The following TENM3 variants were observed in gnomAD, a reference collection of about 807,000 sequenced individuals.
TENM3 encodes teneurin transmembrane protein 3, also known as teneurin-3.
In TENM3, 63 loss-of-function variants were observed where a neutral mutation model predicts 255.1. The observed-to-expected ratio is 0.25, with a 90% CI of 0.20 to 0.30. TENM3 has a LOEUF of 0.30. TENM3 is among the 10% of genes least tolerant of loss of function. The pLI is 1.00. For synonymous variants in TENM3, 1,306 were observed against 1,322.3 expected, an observed-to-expected ratio of 0.99 and a Z score of 0.27; for missense variants, 2,929 against 3,461.1, an observed-to-expected ratio of 0.85 and a Z score of 3.86.
At chr4:182,455,471 C>G (rs1449921892) in intron 3 of TENM3, among the ~76,000 whole-genome samples, 1 of 152,000 alleles carries the variant, frequency 6.6e-6, no homozygotes, top group Non-Finnish European at 1.5e-5. Flanking sequence ...CACCTTCGCA[C>G]CAGTATTTTC....
At chr4:181,635,581 C>T in the TENM3 span, among the ~76,000 whole-genome samples, 1 of 152,148 alleles carries the variant, frequency 6.6e-6, no homozygotes, top group Non-Finnish European at 1.5e-5. Flanking sequence ...TTCCATAAGA[C>T]AGTGGTTGTC....
intron 3 of TENM3, among the ~76,000 whole-genome samples, chr4:182,527,802 A>G (rs1739367813): frequency 6.6e-6 from 1 of 152,088 alleles, no homozygotes; most frequent in Non-Finnish European, 1.5e-5. Context: ...ATCTCGGCTC[A>G]CTGCAACCTC....
At chr4:181,785,409 C>G in the TENM3 span, among the ~76,000 whole-genome samples, 1 of 152,140 alleles carries the variant, frequency 6.6e-6, no homozygotes, top group Non-Finnish European at 1.5e-5. Context: ...GAGCTTGCCT[C>G]CCATTGGCTC....
chr4:181,964,235 C>T, the TENM3 span, among the ~76,000 whole-genome samples: 1 of 152,026 alleles, frequency 6.6e-6, no homozygotes, highest in African/African-American at 2.4e-5. Context: ...GCTCCAATTG[C>T]ACCTAGACAC....
At chr4:182,742,652 A>G (rs12650253) in intron 18 of TENM3, among the ~76,000 whole-genome samples, 54,470 of 152,084 alleles carry the variant, frequency 0.36, 10,743 homozygotes, top group East Asian at 0.68. Context: ...AATATTTTCA[A>G]TATTGATTAA....
chr4:182,427,170 AC>A (rs1771283838), intron 3 of TENM3, among the ~76,000 whole-genome samples: 1 of 152,122 alleles, frequency 6.6e-6, no homozygotes, highest in African/African-American at 2.4e-5. Flanking sequence ...TCAACTTTTT[AC>A]TTCTACTCAT....
chr4:182,255,828 ATGAG>A (rs1186617844), intron 1 of TENM3, among the ~76,000 whole-genome samples: 1 of 152,144 alleles, frequency 6.6e-6, no homozygotes, highest in African/African-American at 2.4e-5. Flanking sequence ...TTTTTCCTGA[ATGAG>A]AAGACTGAAG....
chr4:182,489,088 C>T (rs7681803), intron 3 of TENM3, among the ~76,000 whole-genome samples: 6,753 of 152,108 alleles, frequency 0.044, 218 homozygotes, highest in African/African-American at 0.09. Flanking sequence ...ACATAAGATA[C>T]TTGGCAGTCT....
chr4:182,629,601 T>A (rs1253769758), intron 5 of TENM3, among the ~76,000 whole-genome samples: 1 of 152,212 alleles, frequency 6.6e-6, no homozygotes, highest in Non-Finnish European at 1.5e-5. Context: ...TGTGTTTTGA[T>A]CTTCTTCTAA....
At chr4:181,479,272 A>G in the TENM3 span, among the ~76,000 whole-genome samples, 1 of 152,206 alleles carries the variant, frequency 6.6e-6, no homozygotes, top group Non-Finnish European at 1.5e-5. Flanking sequence ...CCTCCTTGGT[A>G]TACATGTCAC....
chr4:182,721,857 C>G (rs1193133870), intron 13 of TENM3, among the ~76,000 whole-genome samples: 1 of 151,906 alleles, frequency 6.6e-6, no homozygotes, highest in Non-Finnish European at 1.5e-5. Context: ...ATATTTATTT[C>G]TTTTTTTGCT....
intron 12 of TENM3, among the ~76,000 whole-genome samples, chr4:182,689,426 C>T (rs1406413737): frequency 6.6e-6 from 1 of 152,190 alleles, no homozygotes; most frequent in Non-Finnish European, 1.5e-5. Flanking sequence ...ACAAGTGTGT[C>T]ATTATACACT....
At chr4:181,647,857 G>T in the TENM3 span, among the ~76,000 whole-genome samples, 2 of 152,164 alleles carry the variant, frequency 1.3e-5, no homozygotes, top group Non-Finnish European at 1.5e-5. Context: ...AGGGAAATAG[G>T]CTCTGAACAC....
chr4:182,744,322 A>T (rs1761849498), intron 19 of TENM3, among the ~76,000 whole-genome samples: 1 of 152,154 alleles, frequency 6.6e-6, no homozygotes, highest in South Asian at 2.1e-4. Flanking sequence ...TTGAACAATT[A>T]TTATACAATA....
At chr4:182,118,813 G>A in the TENM3 span, among the ~76,000 whole-genome samples, 3 of 152,230 alleles carry the variant, frequency 2.0e-5, no homozygotes, top group Non-Finnish European at 2.9e-5. Context: ...CCACTTGGCC[G>A]TGGTATATAA....
chr4:182,451,209 A>G (rs1580592467), intron 3 of TENM3, among the ~76,000 whole-genome samples: 2 of 152,234 alleles, frequency 1.3e-5, no homozygotes, highest in South Asian at 4.1e-4. Context: ...ATTACCAAAT[A>G]AAATCATACT....
At chr4:181,725,075 T>G in the TENM3 span, among the ~76,000 whole-genome samples, 1 of 152,196 alleles carries the variant, frequency 6.6e-6, no homozygotes, top group African/African-American at 2.4e-5. Flanking sequence ...AGAGTAAACC[T>G]CTAGACTCAG....
the TENM3 span, among the ~76,000 whole-genome samples, chr4:181,911,334 A>G: frequency 6.6e-6 from 1 of 152,230 alleles, no homozygotes; most frequent in African/African-American, 2.4e-5. Flanking sequence ...GAAGAACTGC[A>G]TGGAAAAAGA....
chr4:181,536,178 A>C, the TENM3 span, among the ~76,000 whole-genome samples: 1 of 152,210 alleles, frequency 6.6e-6, no homozygotes, highest in Non-Finnish European at 1.5e-5. Context: ...GGTCCCACCT[A>C]TTTAACATTA....
Sources: allele counts gnomAD v4.1 joint callset (sites outside exome capture counted in the v4.1 genomes callset), GRCh38; gene constraint gnomAD v4.1.1; transcripts MANE v1.5; gene names NCBI Gene and HGNC (gene_info 2026-07-23, HGNC 2026-07-21).